Variants in TUSC3 observed in about 807,000 individuals in gnomAD.
The protein encoded by TUSC3 is tumor suppressor candidate 3.
TUSC3 carries 45 observed loss-of-function variants against 44.8 expected under a neutral mutation model. The observed-to-expected ratio is 1.00, with a 90% CI of 0.79 to 1.29. TUSC3 has a LOEUF of 1.29. TUSC3 is among the 50% of genes most tolerant of loss of function. The pLI is 0.00. For synonymous variants in TUSC3, 212 were observed against 152.9 expected (o/e 1.39, Z -2.85); for missense variants, 519 against 437.9 (o/e 1.19, Z -1.65).
intron 1 of TUSC3, among the ~76,000 whole-genome samples, chr8:15,451,804 G>A (rs537131427): frequency 2.0e-5 from 3 of 152,210 alleles, no homozygotes; most frequent in Non-Finnish European, 4.4e-5. Context: ...TAGTGTCTGA[G>A]TTGAGTTAAA....
At chr8:15,644,788 G>T (rs866617416) in intron 2 of TUSC3, among the ~76,000 whole-genome samples, 4 of 151,896 alleles carry the variant, frequency 2.6e-5, no homozygotes, top group Non-Finnish European at 4.4e-5. Context: ...ATGATATACA[G>T]ATCTGTTTAC....
chr8:15,497,399 A>G (rs1204074727), intron 2 of TUSC3, among the ~76,000 whole-genome samples: 1 of 152,200 alleles, frequency 6.6e-6, no homozygotes, highest in East Asian at 1.9e-4. Flanking sequence ...CTTGCCCTGA[A>G]GGAGACACTA....
intron 2 of TUSC3, among the ~76,000 whole-genome samples, chr8:15,490,472 G>T (rs925421402): frequency 2.6e-5 from 4 of 152,044 alleles, no homozygotes; most frequent in African/African-American, 9.7e-5. Flanking sequence ...CCCTCCCATT[G>T]GGTGCACTCA....
At chr8:15,443,336 T>TTTTGTGTGTGTG (rs1403657390) in intron 1 of TUSC3, among the ~76,000 whole-genome samples, 4 of 132,884 alleles carry the variant, frequency 3.0e-5, no homozygotes, top group African/African-American at 1.2e-4. Context: ...ACCCACCTAA[T>TTTTGTGTGTGTG]TGTGTGTGTG....
intron 2 of TUSC3, among the ~76,000 whole-genome samples, chr8:15,492,916 T>A (rs1340311051): frequency 1.3e-5 from 2 of 152,086 alleles, no homozygotes; most frequent in African/African-American, 2.4e-5. Flanking sequence ...CAACAAGTCC[T>A]AAAACATCAT....
chr8:15,787,333 C>G, the TUSC3 span, among the ~76,000 whole-genome samples: 2 of 152,052 alleles, frequency 1.3e-5, no homozygotes, highest in Non-Finnish European at 2.9e-5. Flanking sequence ...AGGTTAGAAT[C>G]AATCCTTGAC....
At chr8:15,638,295 T>A (rs1405829457) in intron 2 of TUSC3, among the ~76,000 whole-genome samples, 1 of 152,158 alleles carries the variant, frequency 6.6e-6, no homozygotes, top group Non-Finnish European at 1.5e-5. Context: ...TTTACATTTA[T>A]ATTCTGTAGG....
chr8:15,504,370 C>G (rs1801015542), intron 2 of TUSC3, among the ~76,000 whole-genome samples: 1 of 151,836 alleles, frequency 6.6e-6, no homozygotes. Flanking sequence ...GTCCATTAAA[C>G]TACTGAGTGT....
At chr8:15,769,469 A>C (rs985723365), downstream of TUSC3, among the ~76,000 whole-genome samples, 6 of 152,222 alleles carry the variant, frequency 3.9e-5, no homozygotes, top group Non-Finnish European at 2.9e-5. Context: ...CTAAAACCTT[A>C]AAAACCCTAG....
chr8:15,556,359 TTCCATGG>T (rs1401306311), intron 1 of TUSC3, among the ~76,000 whole-genome samples: 1 of 150,780 alleles, frequency 6.6e-6, no homozygotes, highest in Non-Finnish European at 1.5e-5. Flanking sequence ...CTGCATAGTA[TTCCATGG>T]TGTATATGTG....
intron 2 of TUSC3, among the ~76,000 whole-genome samples, chr8:15,637,520 G>T (rs2129170319): frequency 6.6e-6 from 1 of 152,160 alleles, no homozygotes; most frequent in East Asian, 1.9e-4. Flanking sequence ...TTAGGTTGGA[G>T]TATTTTGTTT....
chr8:15,455,424 T>C lies in TUSC3; in HGVS notation n.92-27962T>C, dbSNP rs566194687. Among the ~76,000 whole-genome samples the C allele has an allele frequency of 1.4e-3, 206 of 152,162 alleles. 1 individual carries two copies. Among genetic ancestry groups the C allele is most frequent in the Non-Finnish European group, 2.2e-3 (149 of 68,006 alleles). ...ATGTATATATACACATACACACCTATGTATACACGTATATGTATACACACC... is the reference window on the plus strand; with the variant it reads ...ATGTATATATACACATACACACCTACGTATACACGTATATGTATACACACC... On this transcript the variant is annotated intron_variant and non_coding_transcript_variant, in intron 1 of 5. Coordinates refer to the TUSC3 transcript ENST00000503191.
chr8:15,838,590 G>A, the TUSC3 span, among the ~76,000 whole-genome samples: 241 of 152,062 alleles, frequency 1.6e-3, no homozygotes, highest in Non-Finnish European at 2.9e-3. Context: ...GCCAGTTTTC[G>A]CAGCACCATT....
At chr8:15,819,684 T>G in the TUSC3 span, among the ~76,000 whole-genome samples, 1 of 152,234 alleles carries the variant, frequency 6.6e-6, no homozygotes, top group Non-Finnish European at 1.5e-5. Context: ...AATGAAACTT[T>G]CATTCACTGA....
At chr8:15,433,597 G>A (rs57517970) in intron 1 of TUSC3, among the ~76,000 whole-genome samples, 15,930 of 150,948 alleles carry the variant, frequency 0.11, 926 homozygotes, top group African/African-American at 0.16. Flanking sequence ...CACCACCACC[G>A]CCACCACCAC....
the TUSC3 span, among the ~76,000 whole-genome samples, chr8:15,824,406 G>A: frequency 2.0e-5 from 3 of 152,080 alleles, no homozygotes; most frequent in African/African-American, 7.2e-5. Flanking sequence ...TTGGTGCTAG[G>A]ACTCTTAAAA....
chr8:15,740,718 A>G (rs1391375338), intron 7 of TUSC3, among the ~76,000 whole-genome samples: 1 of 152,192 alleles, frequency 6.6e-6, no homozygotes, highest in Non-Finnish European at 1.5e-5. Flanking sequence ...AGAGAGCAGT[A>G]TGATTGTACG....
chr8:15,658,637 T>TACACACACAC (rs766936043), intron 3 of TUSC3, among the ~76,000 whole-genome samples: 6 of 112,202 alleles, frequency 5.3e-5, no homozygotes, highest in Admixed American at 9.3e-5. Context: ...TACACATATA[T>TACACACACAC]ATACACACAC....
chr8:15,717,909 A>G (rs1189403998), intron 6 of TUSC3, among the ~76,000 whole-genome samples: 1 of 152,108 alleles, frequency 6.6e-6, no homozygotes, highest in African/African-American at 2.4e-5. Flanking sequence ...TTAAAAGAGA[A>G]TGAAGATTCT....
Sources: gnomAD v4.1 joint callset for allele counts (sites outside exome capture counted in the v4.1 genomes callset) on GRCh38, gnomAD v4.1.1 for gene constraint, MANE v1.5 for transcripts, NCBI Gene and HGNC (gene_info 2026-07-23, HGNC 2026-07-21) for gene names.